Variants in RIT2 observed in about 807,000 individuals in gnomAD.
The protein encoded by RIT2 is Ras like without CAAX 2.
Under a neutral mutation model 23.7 loss-of-function variants are expected in RIT2, and 24 were observed. The ratio of observed to expected loss-of-function variants is 1.01; its 90% CI spans 0.73 to 1.43. The LOEUF (loss-of-function observed/expected upper bound fraction) is 1.43. Ranked by LOEUF, RIT2 falls within the 40% of genes most tolerant of loss-of-function variation. The pLI is 0.00. For missense variants in RIT2, 236 were observed against 266.9 expected, an observed-to-expected ratio of 0.88 and a Z score of 0.81; for synonymous variants, 107 against 91.1, an observed-to-expected ratio of 1.17 and a Z score of -0.99.
At chr18:42,920,289 A>G (rs995421398) in intron 4 of RIT2, among the ~76,000 whole-genome samples, 4 of 152,192 alleles carry the variant, frequency 2.6e-5, no homozygotes, top group Non-Finnish European at 4.4e-5. Context: ...TGAGATTTTA[A>G]GTCAGAATAC....
chr18:42,817,407 A>G (rs960526685), intron 4 of RIT2, among the ~76,000 whole-genome samples: 3 of 152,302 alleles, frequency 2.0e-5, no homozygotes, highest in African/African-American at 7.2e-5. Flanking sequence ...TTATCCAACA[A>G]TGTCTTTGAA....
intron 1 of RIT2, among the ~76,000 whole-genome samples, chr18:43,071,932 T>G (rs1323077399): frequency 1.3e-5 from 2 of 152,108 alleles, no homozygotes; most frequent in African/African-American, 4.8e-5. Flanking sequence ...TCAAAAGAAT[T>G]ATCAGTTTTC....
rs144897352 is a variant in RIT2, at chr18:42,991,111, G to A, written c.161-16964C>T. ...ATTTAGTAAAACGCAGGAAAATCAT[G>A]ATATTGGACAACTGTTAAGTTTGTA... is the stretch of plus-strand genomic sequence containing the variant. On this transcript the variant is annotated intron_variant, in intron 2 of 4. Transcript: ENST00000326695. 2.5e-3 allele frequency among the ~76,000 whole-genome samples: 380 copies of A among 152,096 alleles called. 1 individual carries two copies. Among genetic ancestry groups the A allele is most frequent in the African/African-American group, 8.6e-3 (357 of 41,436 alleles).
At chr18:42,849,588 A>C (rs1193731101) in intron 4 of RIT2, among the ~76,000 whole-genome samples, 1 of 152,216 alleles carries the variant, frequency 6.6e-6, no homozygotes, top group Non-Finnish European at 1.5e-5. Flanking sequence ...ATTATTATTA[A>C]CATCTGTATT....
chr18:42,969,094 A>G (rs1295385374), intron 3 of RIT2, among the ~76,000 whole-genome samples: 1 of 152,216 alleles, frequency 6.6e-6, no homozygotes, highest in Admixed American at 6.5e-5. Flanking sequence ...ATCAAAATGT[A>G]GTAAAAGTGG....
At chr18:42,764,916 T>C (rs1010465738) in intron 4 of RIT2, among the ~76,000 whole-genome samples, 5 of 152,250 alleles carry the variant, frequency 3.3e-5, no homozygotes, top group Admixed American at 3.3e-4. Context: ...TGCCAGCTGA[T>C]TTGACACATT....
chr18:42,937,678 T>C (rs1909494547), intron 3 of RIT2, among the ~76,000 whole-genome samples: 2 of 152,160 alleles, frequency 1.3e-5, no homozygotes, highest in South Asian at 4.1e-4. Flanking sequence ...CTGGATCTCA[T>C]TTGCTCAAAT....
At chr18:43,085,738 G>A (rs1027502445) in intron 1 of RIT2, among the ~76,000 whole-genome samples, 17 of 151,406 alleles carry the variant, frequency 1.1e-4, no homozygotes, top group Non-Finnish European at 1.3e-4. Flanking sequence ...TGGTTTGGCC[G>A]TGTCCCCACT....
intron 4 of RIT2, among the ~76,000 whole-genome samples, chr18:42,814,051 A>C (rs2143981165): frequency 6.6e-6 from 1 of 152,326 alleles, no homozygotes; most frequent in Middle Eastern, 3.4e-3. Flanking sequence ...TAGAGGAAGC[A>C]GTGGGGTAAG....
Position 43,026,669 on chromosome 18 carries a change from T to C in RIT2, c.160+7142A>G, listed in dbSNP as rs190262957. Among the ~76,000 whole-genome samples the C allele has an allele frequency of 1.2e-3, 180 of 150,330 alleles. 1 individual carries two copies. The highest frequency in any genetic ancestry group is 2.1e-3 in the Non-Finnish European group (140 of 67,602). On this transcript the variant is annotated intron_variant, in intron 2 of 4. Coordinates refer to ENST00000326695, the MANE Select transcript of RIT2 (RefSeq NM_002930.4). ...GAAGGAAAGGCTGTAGATGAAAAAG[T>C]TTTTCTTTCTTTTTTTTTTTTTGTA... is the stretch of plus-strand genomic sequence containing the variant.
At chr18:42,907,925 G>C (rs918644281) in intron 4 of RIT2, among the ~76,000 whole-genome samples, 2 of 151,240 alleles carry the variant, frequency 1.3e-5, no homozygotes, top group African/African-American at 2.4e-5. Flanking sequence ...AGGTTGTAGT[G>C]AGCTATGATC....
chr18:43,005,679 C>A (rs1170770134), intron 2 of RIT2, among the ~76,000 whole-genome samples: 1 of 151,664 alleles, frequency 6.6e-6, no homozygotes, highest in Non-Finnish European at 1.5e-5. Flanking sequence ...AAAAAAAATG[C>A]CCCCTAAGGC....
chr18:42,757,872 A>T (rs1336101254), intron 4 of RIT2, among the ~76,000 whole-genome samples: 1 of 152,184 alleles, frequency 6.6e-6, no homozygotes, highest in African/African-American at 2.4e-5. Flanking sequence ...AATGATTTCA[A>T]CATCCTGGAC....
intron 1 of RIT2, among the ~76,000 whole-genome samples, chr18:43,090,875 G>T (rs1913407913): frequency 6.6e-6 from 1 of 151,962 alleles, no homozygotes; most frequent in Non-Finnish European, 1.5e-5. Context: ...CTGTTGGAGG[G>T]TGGATGGTGG....
At chr18:43,062,149 G>A (rs889518100) in intron 1 of RIT2, among the ~76,000 whole-genome samples, 1 of 152,100 alleles carries the variant, frequency 6.6e-6, no homozygotes, top group Non-Finnish European at 1.5e-5. Flanking sequence ...CCGCAACATA[G>A]GGAGGTTTAC....
At chr18:42,961,759 GA>G (rs1171563025) in intron 3 of RIT2, among the ~76,000 whole-genome samples, 1 of 152,192 alleles carries the variant, frequency 6.6e-6, no homozygotes, top group Non-Finnish European at 1.5e-5. Context: ...AGAGCCATAT[GA>G]AAACAGCAAT....
chr18:42,856,983 C>T (rs1172904809), intron 4 of RIT2, among the ~76,000 whole-genome samples: 3 of 152,000 alleles, frequency 2.0e-5, no homozygotes, highest in Non-Finnish European at 4.4e-5. Flanking sequence ...CACCCGCCAC[C>T]ACGCCCGGCT....
chr18:43,004,563 C>A (rs561057548), intron 2 of RIT2, among the ~76,000 whole-genome samples: 2 of 151,934 alleles, frequency 1.3e-5, no homozygotes, highest in African/African-American at 4.8e-5. Context: ...TCCAGTGTGC[C>A]CGACACTTTC....
intron 4 of RIT2, among the ~76,000 whole-genome samples, chr18:42,846,464 G>C (rs1906912101): frequency 6.6e-6 from 1 of 151,892 alleles, no homozygotes; most frequent in Non-Finnish European, 1.5e-5. Context: ...CATCAGCTTT[G>C]ATAATAAAAT....
Sources: gnomAD v4.1 joint callset for allele counts (sites outside exome capture counted in the v4.1 genomes callset) on GRCh38, gnomAD v4.1.1 for gene constraint, MANE v1.5 for transcripts, NCBI Gene and HGNC (gene_info 2026-07-23, HGNC 2026-07-21) for gene names.